Variants in NLK observed in about 807,000 individuals in gnomAD.
The protein encoded by NLK is serine/threonine-protein kinase NLK.
A neutral mutation model predicts 59.0 loss-of-function variants in NLK; 11 were observed. The observed-to-expected ratio is 0.19, with a 90% CI of 0.12 to 0.31. The LOEUF is 0.31. Ranked by LOEUF, NLK falls within the 10% of genes least tolerant of loss-of-function variation. NLK has a pLI of 1.00. For missense variants in NLK, 410 were observed against 661.1 expected (o/e 0.62, Z 4.16); for synonymous variants, 235 against 235.9 (o/e 1.00, Z 0.03).
At chr17:28,085,978 A>G (rs1462844451) in intron 1 of NLK, among the ~76,000 whole-genome samples, 1 of 152,202 alleles carries the variant, frequency 6.6e-6, no homozygotes, top group Admixed American at 6.5e-5. Context: ...TATGACATCT[A>G]TGACATCATA....
In NLK at chr17:28,154,126, A is replaced by T. The variant is rs181871993; in HGVS notation, c.645-7034A>T. Among the ~76,000 whole-genome samples the T allele has an allele frequency of 3.3e-5, 5 of 152,314 alleles. No individual in the cohort carries two copies. The East Asian group carries it at 9.6e-4, about 29-fold the overall frequency. ...AAGGGTTAAAAATTCAGTCTAGAAAAGGCAGAAATCTAAGCTGGCAGTAAT... is the reference window on the plus strand; with the variant it reads ...AAGGGTTAAAAATTCAGTCTAGAAATGGCAGAAATCTAAGCTGGCAGTAAT... On this transcript the variant is annotated intron_variant, in intron 3 of 10. Coordinates refer to ENST00000407008, the MANE Select transcript of NLK (RefSeq NM_016231.5).
chr17:28,163,830 T>C (rs1418006351), intron 5 of NLK, among the ~76,000 whole-genome samples: 1 of 152,322 alleles, frequency 6.6e-6, no homozygotes, highest in South Asian at 2.1e-4. Flanking sequence ...TTGGCCTATG[T>C]TTTAGAAACA....
intron 1 of NLK, among the ~76,000 whole-genome samples, chr17:28,114,653 C>A (rs1291879372): frequency 1.3e-5 from 2 of 152,122 alleles, no homozygotes; most frequent in African/African-American, 4.8e-5. Context: ...TTCTTCTATA[C>A]GTTATCTTCT....
chr17:28,164,078 G>T (rs1908120868), intron 5 of NLK, among the ~76,000 whole-genome samples: 1 of 152,192 alleles, frequency 6.6e-6, no homozygotes, highest in South Asian at 2.1e-4. Context: ...TATTTAAAAG[G>T]GATAGTGCTG....
chr17:28,132,370 G>A lies in NLK; in HGVS notation c.589-250G>A, dbSNP rs34875937. On this transcript the variant is annotated intron_variant, in intron 2 of 10. Coordinates refer to ENST00000407008, the MANE Select transcript of NLK (RefSeq NM_016231.5). ...GTGTTTATTTCAAAAACTCTCTCCT[G>A]TGCAGGGATTTTGGTAGCGTGTGGT... is the stretch of plus-strand genomic sequence containing the variant. 6.6e-3 allele frequency among the ~76,000 whole-genome samples: 1,002 copies of A among 152,244 alleles called. 17 individuals are homozygous for A. Among genetic ancestry groups the A allele is most frequent in the African/African-American group, 0.022 (933 of 41,548 alleles).
chr17:28,084,760 C>T (rs1403966963), intron 1 of NLK, among the ~76,000 whole-genome samples: 1 of 152,162 alleles, frequency 6.6e-6, no homozygotes, highest in Non-Finnish European at 1.5e-5. Context: ...GATGGGGTTT[C>T]ACCACGTTGG....
chr17:28,073,937 A>C (rs1910091399), intron 1 of NLK, among the ~76,000 whole-genome samples: 1 of 152,198 alleles, frequency 6.6e-6, no homozygotes, highest in Non-Finnish European at 1.5e-5. Flanking sequence ...AAGTTTGTTG[A>C]ATTGAGTTTT....
At chr17:28,064,026 C>T (rs554989232) in intron 1 of NLK, among the ~76,000 whole-genome samples, 4 of 152,112 alleles carry the variant, frequency 2.6e-5, no homozygotes, top group Admixed American at 6.6e-5. Flanking sequence ...CATAAATATA[C>T]GAGTTTGCAA....
intron 7 of NLK, 146 bp from the exon 8 acceptor site, chr17:28,185,033 G>C (rs1469606837): frequency 5.1e-6 from 2 of 396,034 alleles, no homozygotes; most frequent in Admixed American, 8.9e-5. Context: ...TTGAAGACTG[G>C]TTACTGAAGG....
intron 1 of NLK, among the ~76,000 whole-genome samples, chr17:28,087,756 T>C (rs1355726080): frequency 6.6e-6 from 1 of 152,202 alleles, no homozygotes; most frequent in African/African-American, 2.4e-5. Flanking sequence ...TGACCTTGTT[T>C]GTATTGGATC....
chr17:28,143,716 A>G (rs949548329), intron 3 of NLK, among the ~76,000 whole-genome samples: 1 of 152,214 alleles, frequency 6.6e-6, no homozygotes. Context: ...GGAATATTAA[A>G]TATGTTCTCA....
At chr17:28,146,890 GA>G in intron 3 of NLK, among the ~76,000 whole-genome samples, 1 of 152,218 alleles carries the variant, frequency 6.6e-6, no homozygotes, top group African/African-American at 2.4e-5. Flanking sequence ...TGTATAATGG[GA>G]ACCCATAATG....
intron 8 of NLK, among the ~76,000 whole-genome samples, chr17:28,190,369 C>T (rs549364961): frequency 6.6e-6 from 1 of 152,246 alleles, no homozygotes; most frequent in Non-Finnish European, 1.5e-5. Flanking sequence ...CCTGCAGTCC[C>T]AGCACTTCAG....
chr17:28,203,164 TACACACAC>T, the NLK span, among the ~76,000 whole-genome samples: 32 of 136,928 alleles, frequency 2.3e-4, 1 homozygote, highest in South Asian at 9.3e-4. Context: ...TATACATACA[TACACACAC>T]ACACACACAC....
chr17:28,066,560 A>G (rs987357757), intron 1 of NLK, among the ~76,000 whole-genome samples: 4 of 152,248 alleles, frequency 2.6e-5, no homozygotes, highest in African/African-American at 9.6e-5. Context: ...GTTATTACAA[A>G]TAAAATTGGA....
chr17:28,049,411 TA>T (rs1298317450), intron 1 of NLK, among the ~76,000 whole-genome samples: 1 of 152,226 alleles, frequency 6.6e-6, no homozygotes, highest in Non-Finnish European at 1.5e-5. Flanking sequence ...TATATATTTT[TA>T]TTGTCACTTC....
the NLK span, among the ~76,000 whole-genome samples, chr17:28,204,031 A>G: frequency 6.6e-6 from 1 of 152,222 alleles, no homozygotes; most frequent in African/African-American, 2.4e-5. Context: ...ATGTCTGTCC[A>G]TGTTTCACAG....
chr17:28,183,292 G>A (rs1908987226), intron 7 of NLK, among the ~76,000 whole-genome samples: 2 of 152,258 alleles, frequency 1.3e-5, no homozygotes, highest in Non-Finnish European at 2.9e-5. Flanking sequence ...TGAAGGTCAG[G>A]GGTCATTACT....
chr17:28,057,764 T>C (rs548537482), intron 1 of NLK, among the ~76,000 whole-genome samples: 16 of 152,346 alleles, frequency 1.1e-4, no homozygotes, highest in African/African-American at 3.8e-4. Flanking sequence ...CACTGCTCTG[T>C]ATTTTTCAGT....
Sources: gnomAD v4.1 joint callset for allele counts (sites outside exome capture counted in the v4.1 genomes callset) on GRCh38, gnomAD v4.1.1 for gene constraint, MANE v1.5 for transcripts, NCBI Gene and HGNC (gene_info 2026-07-23, HGNC 2026-07-21) for gene names.